Variants in DAAM2 observed in about 807,000 individuals in gnomAD.
DAAM2 encodes dishevelled associated activator of morphogenesis 2, also known as disheveled-associated activator of morphogenesis 2.
DAAM2 carries 39 observed loss-of-function variants against 120.7 expected under a neutral mutation model. The observed-to-expected ratio is 0.32, with a 90% CI of 0.25 to 0.42. DAAM2 has a LOEUF of 0.42. Among genes scored for constraint, DAAM2 ranks in the 10% least tolerant of loss-of-function variants. The probability of loss-of-function intolerance (pLI) is 1.00; values close to 1 mark genes in which losing one functional copy is unlikely to be tolerated. For synonymous variants in DAAM2, 488 were observed against 524.9 expected, an observed-to-expected ratio of 0.93 and a Z score of 0.96; for missense variants, 1,283 against 1,401.7, an observed-to-expected ratio of 0.92 and a Z score of 1.35.
intron 5 of DAAM2, among the ~76,000 whole-genome samples, chr6:39,865,391 A>G (rs1225727965): frequency 6.6e-6 from 1 of 152,210 alleles, no homozygotes; most frequent in Admixed American, 6.5e-5. Context: ...GACCAAATGG[A>G]CAAGGTACAA....
chr6:39,858,732 G>A (rs1764101734), intron 2 of DAAM2, among the ~76,000 whole-genome samples: 1 of 152,196 alleles, frequency 6.6e-6, no homozygotes, highest in Admixed American at 6.5e-5. Flanking sequence ...ACTGGAGACA[G>A]TGGGGCCCTA....
In DAAM2 at chr6:39,867,184, A is replaced by C. The variant is rs1764466110; in HGVS notation, c.429-326A>C. 9 of 286,638 alleles carry C rather than the reference A, an allele frequency of 3.1e-5. No homozygotes were observed. The Admixed American group carries it at 3.8e-4, about 12-fold the overall frequency. The allele number at this position is 286,638 out of a possible 1,614,324, so 17.8% of individuals were successfully genotyped here. On this transcript the variant is annotated intron_variant, in intron 5 of 24. Transcript: ENST00000274867. ...TTTGTTATCCGACTGTAATTCTCTT[A>C]ATCTCCATCCTCACTGGAGAGGAGT...
At chr6:39,813,496 G>A (rs1251396837) in intron 1 of DAAM2, among the ~76,000 whole-genome samples, 1 of 152,164 alleles carries the variant, frequency 6.6e-6, no homozygotes, top group Non-Finnish European at 1.5e-5. Context: ...CGTGAGCTGA[G>A]TGAGCAGAGT....
chr6:39,860,775 G>T (rs1044264081), intron 2 of DAAM2, among the ~76,000 whole-genome samples, 153 bp from the exon 3 acceptor site: 4 of 152,162 alleles, frequency 2.6e-5, no homozygotes, highest in Admixed American at 2.6e-4. Flanking sequence ...GATAGAAAAA[G>T]AAATGCCCTA....
chr6:39,820,798 T>C (rs1283300769), intron 1 of DAAM2: 2 of 152,242 alleles, frequency 1.3e-5, no homozygotes, highest in Non-Finnish European at 2.9e-5. Context: ...AAAATGGGAA[T>C]AATAATCACA....
Position 39,878,654 on chromosome 6 carries a change from G to A in DAAM2, c.1545+66G>A. 2.0e-6 allele frequency: 3 copies of A among 1,505,594 alleles called. No homozygotes were observed. Among genetic ancestry groups the A allele is most frequent in the Non-Finnish European group, 1.8e-6 (2 of 1,118,980 alleles). The allele number at this position is 1,505,594 out of a possible 1,614,324, so 93.3% of individuals were successfully genotyped here. A position where few individuals can be genotyped will look rare whatever the true frequency, so the allele number is the denominator to read the frequency against. On this transcript the variant is annotated intron_variant, in intron 13 of 24. Coordinates refer to ENST00000274867, the MANE Select transcript of DAAM2 (RefSeq NM_001201427.2). This position sits in a 1 kb window ranked among gnomAD's most constrained non-coding sequence, Gnocchi z 5.0. ...CCTGGGCTTCAGGACTGGGTGGGCAGAGCAGGTGTCGGAGAGGCCAAGGAC... is the reference window on the plus strand; with the variant it reads ...CCTGGGCTTCAGGACTGGGTGGGCAAAGCAGGTGTCGGAGAGGCCAAGGAC...
chr6:39,855,843 A>AGT (rs1163366191), intron 1 of DAAM2, among the ~76,000 whole-genome samples: 3 of 152,278 alleles, frequency 2.0e-5, no homozygotes, highest in Middle Eastern at 3.4e-3. Flanking sequence ...AAATGAATCA[A>AGT]GTGAGTAAGT....
intron 1 of DAAM2, among the ~76,000 whole-genome samples, chr6:39,817,575 T>C (rs1762345252): frequency 1.3e-5 from 2 of 152,166 alleles, no homozygotes; most frequent in African/African-American, 4.8e-5. Flanking sequence ...CAGTGTTCTA[T>C]AGTGAAACAG....
intron 15 of DAAM2, chr6:39,885,043 G>C (rs1040235215): frequency 2.0e-5 from 3 of 152,210 alleles, no homozygotes; most frequent in African/African-American, 7.2e-5. Flanking sequence ...CTTAGCCTGG[G>C]ATCTCAGTCT....
rs1445858332 is a variant in DAAM2 at position 39,873,256 on chromosome 6, A to C, written c.1063A>C (p.Ser355Arg). ...RFDMVHIDTK[S>R]ASQMFELIHK... ...CTCCCAGGTCCACATCGACACCAAG[A>C]GTGCTTCCCAGATGTTTGAGTTGAT... The change falls in exon 10 of 25, where the codon AGT (serine) becomes CGT (arginine). Residue 355 changes from serine (S) to arginine (R), a missense_variant. Transcript: ENST00000274867. 3 of 1,612,486 alleles carry C rather than the reference A, an allele frequency of 1.9e-6. No homozygotes were observed. Among genetic ancestry groups the C allele is most frequent in the Non-Finnish European group, 2.5e-6 (3 of 1,179,236 alleles).
chr6:39,879,299 C>A lies in DAAM2; in HGVS notation c.1667C>A (p.Pro556Gln). ...CCCTTTGCCTGTTGTCCCCCTCCCC[C>A]ACCACCACCCCTTCCTCCCGGGGGA... ...PLPFACCPPP[P>Q]PPPLPPGGPP... Residue 556 changes from proline (P) to glutamine (Q), a missense_variant, in exon 14 of 25, where the codon CCA becomes CAA. By Grantham distance (76) the Pro-to-Gln change is moderately conservative. Around this residue, in one of 3 missense-constraint regions of DAAM2, gnomAD observed 748 missense variants for 768.6 expected, o/e 0.97. Transcript: ENST00000274867. The A allele has an allele frequency of 4.7e-6, 7 of 1,495,696 alleles. No homozygotes were observed. Among genetic ancestry groups the A allele is most frequent in the Non-Finnish European group, 6.4e-6 (7 of 1,090,182 alleles). The allele number at this position is 1,495,696 out of a possible 1,614,324, so 92.7% of individuals were successfully genotyped here.
intron 15 of DAAM2, chr6:39,885,414 A>G (rs3003938): frequency 0.56 from 85,279 of 152,096 alleles, 24,349 homozygotes; most frequent in East Asian, 0.78. Flanking sequence ...TGTGGCAAGC[A>G]TACCAGGCTT....
intron 19 of DAAM2, among the ~76,000 whole-genome samples, chr6:39,893,053 T>C (rs1765831168): frequency 6.6e-6 from 1 of 152,258 alleles, no homozygotes; most frequent in African/African-American, 2.4e-5. Context: ...CTTTGGAGCA[T>C]GCAGCACAAG....
rs773543535 is a variant in DAAM2, at chr6:39,901,964, G to A, written c.3134G>A (p.Arg1045His). The change falls in exon 25 of 25, where the codon CGC (arginine) becomes CAC (histidine). Residue 1045 changes from arginine (R) to histidine (H), a missense_variant. This residue lies in a region of DAAM2 where 748 missense variants were observed against 768.6 expected (regional missense o/e 0.97). Coordinates refer to ENST00000274867, the MANE Select transcript of DAAM2 (RefSeq NM_001201427.2). The surrounding 1 kb of genome is among the most constrained non-coding windows in gnomAD (Gnocchi z 4.5). ...GACAAGGACTTATGCAAGCTCAAGC[G>A]CAGCCGCAAGCGATCAGGGAGCCAG... ...VFDKDLCKLKRSRKRSGSQAL... is the reference protein window; with the variant it reads ...VFDKDLCKLKHSRKRSGSQAL... 1.6e-5 allele frequency: 25 copies of A among 1,612,186 alleles called. No homozygotes were observed. The highest frequency in any genetic ancestry group is 6.7e-5 in the African/African-American group (5 of 74,896).
chr6:39,885,673 C>T (rs1161034985), intron 15 of DAAM2: 1 of 152,300 alleles, frequency 6.6e-6, no homozygotes, highest in Admixed American at 6.5e-5. Context: ...CCTGCCTCCC[C>T]TCACTCAGTG....
intron 1 of DAAM2, among the ~76,000 whole-genome samples, chr6:39,826,582 C>T (rs75369709): frequency 0.018 from 2,716 of 152,220 alleles, 67 homozygotes; most frequent in African/African-American, 0.053. Context: ...ATTTGCCTCA[C>T]GATCCTCCTG....
At position 39,813,894 on chromosome 6, in the gene DAAM2, G is replaced by A. The variant is rs567286369; in HGVS notation, c.-57+21429G>A. Among the ~76,000 whole-genome samples the A allele has an allele frequency of 3.3e-5, 5 of 152,324 alleles. No individual in the cohort carries two copies. The South Asian group carries it at 1.0e-3, about 32-fold the overall frequency. ...GTATTGTGGTTTTATCTTCTGGTTAGTATTACCAACTTTGTAAATGAGGAG... is the reference window on the plus strand; with the variant it reads ...GTATTGTGGTTTTATCTTCTGGTTAATATTACCAACTTTGTAAATGAGGAG... On this transcript the variant is annotated intron_variant, in intron 1 of 24. Coordinates refer to ENST00000274867, the MANE Select transcript of DAAM2 (RefSeq NM_001201427.2).
chr6:39,852,774 A>G lies in DAAM2; in HGVS notation c.-56-3473A>G, dbSNP rs570501947. Among the ~76,000 whole-genome samples the G allele has an allele frequency of 1.4e-4, 21 of 152,252 alleles. No homozygotes were observed. In the South Asian group the frequency reaches 3.7e-3, roughly 27 times the overall value. On this transcript the variant is annotated intron_variant, in intron 1 of 24. Transcript: ENST00000274867. ...CTAGCTGAGAACACAAAGGTGGGGGAATCCCAGTCTCCTGACTTCAAAGCC... is the reference window on the plus strand; with the variant it reads ...CTAGCTGAGAACACAAAGGTGGGGGGATCCCAGTCTCCTGACTTCAAAGCC...
chr6:39,875,370 G>A lies in DAAM2; in HGVS notation c.1203G>A (p.Leu401=), dbSNP rs370084680. Residue 401 remains leucine, a synonymous_variant, in exon 11 of 25, where the codon CTG becomes CTA. Transcript: ENST00000274867. ...GCTACTTCCAGCAGTGGCAGCTCCT[G>A]GACCGCATCCTCCAGCAGATTGTCC... is the stretch of plus-strand genomic sequence containing the variant. ...NGGYFQQWQL[L]DRILQQIVLQ... 6.9e-5 allele frequency: 111 copies of A among 1,613,974 alleles called. 1 individual carries two copies. In the African/African-American group the frequency reaches 8.8e-4, roughly 13 times the overall value.
Sources: allele counts gnomAD v4.1 joint callset (sites outside exome capture counted in the v4.1 genomes callset), GRCh38; gene constraint gnomAD v4.1.1; regional missense constraint gnomAD v4.1.1; non-coding constraint Gnocchi (gnomAD v3.1); transcripts MANE v1.5; gene names NCBI Gene and HGNC (gene_info 2026-07-23, HGNC 2026-07-21).